The following IPO11 variants were observed in gnomAD, a reference collection of about 807,000 sequenced individuals.
IPO11 encodes the protein importin-11.
In IPO11, 66 loss-of-function variants were observed where a neutral mutation model predicts 143.2. That is an observed-to-expected ratio of 0.46 (90% CI 0.38 to 0.57). The LOEUF (loss-of-function observed/expected upper bound fraction) is 0.57. Among genes scored for constraint, IPO11 ranks in the 20% least tolerant of loss-of-function variants. The pLI, the probability that IPO11 is intolerant of heterozygous loss-of-function variation, is 0.00. For missense variants in IPO11, 1,026 were observed against 1,141.0 expected (o/e 0.90, Z 1.45); for synonymous variants, 385 against 377.8 (o/e 1.02, Z -0.22).
chr5:62,467,013 C>G (rs1745596099), intron 5 of IPO11, 118 bp from the exon 6 acceptor site: 4 of 906,678 alleles, frequency 4.4e-6, no homozygotes, highest in Non-Finnish European at 6.5e-6. Context: ...TTGACTATTT[C>G]AGATCTCTCA....
At chr5:62,612,353 A>G (rs1458997150) in intron 29 of IPO11, among the ~76,000 whole-genome samples, 2 of 152,176 alleles carry the variant, frequency 1.3e-5, no homozygotes, top group Non-Finnish European at 2.9e-5. Flanking sequence ...AGAAACTACT[A>G]TTTGTGAGTT....
rs760736531 is a variant in IPO11 at position 62,601,765 on chromosome 5, T to C, written c.2680T>C (p.Cys894Arg). 6.5e-7 allele frequency: 1 copy of C among 1,544,678 alleles called. No individual in the cohort carries two copies. The highest frequency in any genetic ancestry group is 8.8e-7 in the Non-Finnish European group (1 of 1,138,898). The change falls in exon 29 of 30, where the codon TGT becomes CGT. Residue 894 changes from cysteine (C) to arginine (R), a missense_variant and splice_region_variant. This residue lies in a region of IPO11 where 351 missense variants were observed against 358.9 expected (regional missense o/e 0.98). Transcript: ENST00000325324. ...EDPETGTYKDCMLMSHLEEPK... is the reference protein window; with the variant it reads ...EDPETGTYKDRMLMSHLEEPK... ...ATGTTTTTTAAAAAATTATTATAGCTGTATGTTGATGTCTCATCTTGAGGA... is the reference window on the plus strand; with the variant it reads ...ATGTTTTTTAAAAAATTATTATAGCCGTATGTTGATGTCTCATCTTGAGGA...
rs532626079 is a variant in IPO11, at chr5:62,452,025, G to A, written c.516+92G>A. 1.5e-5 allele frequency: 14 copies of A among 950,228 alleles called. 1 individual carries two copies. In the South Asian group the frequency reaches 1.6e-4, roughly 11 times the overall value. The allele number at this position is 950,228 out of a possible 1,614,324, so 58.9% of individuals were successfully genotyped here. ...TGTAATCTCAGCACTTTGGGAGGCCGAGGCGGGTGGATCACGAGGTCAGGC... is the reference window on the plus strand; with the variant it reads ...TGTAATCTCAGCACTTTGGGAGGCCAAGGCGGGTGGATCACGAGGTCAGGC... On this transcript the variant is annotated intron_variant, in intron 5 of 29. Transcript: ENST00000325324.
chr5:62,553,413 A>G (rs1449690190), intron 26 of IPO11, among the ~76,000 whole-genome samples: 2 of 151,978 alleles, frequency 1.3e-5, no homozygotes, highest in East Asian at 1.9e-4. Flanking sequence ...GGTTAATTCC[A>G]TATCTTGGCT....
chr5:62,550,365 A>G lies in IPO11; in HGVS notation c.2251-2A>G. 1 of 1,605,856 alleles carries G rather than the reference A, an allele frequency of 6.2e-7. No individual in the cohort carries two copies. The highest frequency in any genetic ancestry group is 8.5e-7 in the Non-Finnish European group (1 of 1,173,642). ...TCACCAATCTTTCTTTCTGGTTTTT[A>G]GGTTGTGGAAAATGCCCTTAAAGTG... is the stretch of plus-strand genomic sequence containing the variant. On this transcript the variant is annotated splice_acceptor_variant, in intron 24 of 29. Transcript: ENST00000325324. LOFTEE classifies it high-confidence loss of function.
At chr5:62,618,045 A>G (rs982816690) in intron 29 of IPO11, among the ~76,000 whole-genome samples, 1 of 152,262 alleles carries the variant, frequency 6.6e-6, no homozygotes, top group East Asian at 1.9e-4. Context: ...ATTCTACTCT[A>G]TAAGTAGAAT....
In IPO11 at chr5:62,477,056, T is replaced by C. The variant is rs112881986; in HGVS notation, c.828+303T>C. On this transcript the variant is annotated intron_variant, in intron 9 of 29. Coordinates refer to ENST00000325324, the MANE Select transcript of IPO11 (RefSeq NM_016338.5). ...TTTGACCCACTGGAGAAAGTGGAGA[T>C]AAAGAAGATAGCAGTGCAGTTCAGC... Among the ~76,000 whole-genome samples the C allele has an allele frequency of 6.2e-3, 947 of 152,280 alleles. 7 individuals carry two copies. The highest frequency in any genetic ancestry group is 0.022 in the African/African-American group (910 of 41,558).
At chr5:62,601,667 A>G (rs1012540606) in intron 28 of IPO11, 97 bp from the exon 29 acceptor site, 1 of 529,784 alleles carries the variant, frequency 1.9e-6, no homozygotes, top group Admixed American at 4.3e-5. Flanking sequence ...AACTAAGAAC[A>G]TAGAATTATT....
At chr5:62,531,012 C>T (rs1037439484) in intron 22 of IPO11, among the ~76,000 whole-genome samples, 1 of 152,182 alleles carries the variant, frequency 6.6e-6, no homozygotes. Flanking sequence ...AATAGTTTTT[C>T]AACCTTTGAG....
At chr5:62,483,749 C>A (rs1289592043) in intron 10 of IPO11, among the ~76,000 whole-genome samples, 1 of 152,034 alleles carries the variant, frequency 6.6e-6, no homozygotes, top group Non-Finnish European at 1.5e-5. Context: ...CCCCCACACC[C>A]TCTACATTAT....
rs186477431 is a variant in IPO11, at chr5:62,426,398, A to G, written c.-6-10876A>G. On this transcript the variant is annotated intron_variant, in intron 1 of 29. Transcript: ENST00000325324. ...GTGAGACTCTGTCTCAAAACAGACA[A>G]ACAAACAAACTATTGCTTACCTACT... 8.2e-3 allele frequency among the ~76,000 whole-genome samples: 1,105 copies of G among 134,454 alleles called. 15 individuals are homozygous for G. Among genetic ancestry groups the G allele is most frequent in the African/African-American group, 0.026 (1,037 of 40,504 alleles). The allele number at this position is 134,454 out of a possible 152,430, so 88.2% of individuals were successfully genotyped here.
intron 6 of IPO11, 74 bp from the exon 7 acceptor site, chr5:62,470,176 T>G: frequency 7.0e-7 from 1 of 1,420,602 alleles, no homozygotes; most frequent in Non-Finnish European, 9.9e-7. Flanking sequence ...GTTTTGCAAT[T>G]CTGAATCTTT....
intron 16 of IPO11, among the ~76,000 whole-genome samples, chr5:62,499,151 G>A (rs183701624): frequency 1.1e-4 from 16 of 152,214 alleles, no homozygotes; most frequent in Admixed American, 8.5e-4. Context: ...CGAGAAATGC[G>A]TCCTTAGGCG....
intron 5 of IPO11, among the ~76,000 whole-genome samples, chr5:62,459,878 T>C (rs1745295712): frequency 6.6e-6 from 1 of 152,204 alleles, no homozygotes; most frequent in South Asian, 2.1e-4. Context: ...AAAAAACGGA[T>C]TATTACTAAA....
At chr5:62,538,009 A>G (rs1004390804) in intron 24 of IPO11, among the ~76,000 whole-genome samples, 4 of 152,216 alleles carry the variant, frequency 2.6e-5, no homozygotes, top group African/African-American at 9.6e-5. Flanking sequence ...GTACCCTGGA[A>G]CCTAAAGTAT....
At chr5:62,589,214 T>C (rs1744922208) in intron 27 of IPO11, among the ~76,000 whole-genome samples, 1 of 152,086 alleles carries the variant, frequency 6.6e-6, no homozygotes, top group Non-Finnish European at 1.5e-5. Context: ...AACCCTGCAC[T>C]CCCTCTAGTT....
intron 29 of IPO11, among the ~76,000 whole-genome samples, chr5:62,610,057 C>G (rs1745873619): frequency 6.6e-6 from 1 of 152,134 alleles, no homozygotes. Flanking sequence ...GAGGCAACAA[C>G]CAGTTGTTGG....
intron 24 of IPO11, among the ~76,000 whole-genome samples, chr5:62,539,041 A>T (rs986434788): frequency 6.6e-6 from 1 of 152,184 alleles, no homozygotes; most frequent in African/African-American, 2.4e-5. Flanking sequence ...TTGAAGTATT[A>T]AATTATAGAT....
intron 3 of IPO11, among the ~76,000 whole-genome samples, chr5:62,448,765 C>T (rs906030018): frequency 2.6e-5 from 4 of 152,142 alleles, no homozygotes; most frequent in African/African-American, 9.6e-5. Context: ...TGCTATGTTG[C>T]CCAGGCTTAT....
Sources: allele counts gnomAD v4.1 joint callset (sites outside exome capture counted in the v4.1 genomes callset), GRCh38; gene constraint gnomAD v4.1.1; regional missense constraint gnomAD v4.1.1; transcripts MANE v1.5; gene names NCBI Gene and HGNC (gene_info 2026-07-23, HGNC 2026-07-21).